FBXO36: variants seen among roughly 807,000 people sequenced by gnomAD.
FBXO36 encodes the protein F-box only protein 36.
A neutral mutation model predicts 17.0 loss-of-function variants in FBXO36; 18 were observed. The ratio of observed to expected loss-of-function variants is 1.06; its 90% CI spans 0.73 to 1.57. FBXO36 has a LOEUF of 1.57. Among genes scored for constraint, FBXO36 ranks in the 40% most tolerant of loss-of-function variants. FBXO36 has a pLI of 0.00. For synonymous variants in FBXO36, 83 were observed against 85.3 expected, an observed-to-expected ratio of 0.97 and a Z score of 0.15; for missense variants, 229 against 221.9, an observed-to-expected ratio of 1.03 and a Z score of -0.20.
At chr2:229,937,767 C>T (rs574139336) in intron 1 of FBXO36, 1 of 152,102 alleles carries the variant, frequency 6.6e-6, no homozygotes, top group Non-Finnish European at 1.5e-5. Flanking sequence ...ACATGGGTTT[C>T]TCTCTCTTTT....
In FBXO36 at chr2:230,012,645, C is replaced by A. The variant is rs1380196322; in HGVS notation, c.*1761C>A. The A allele has an allele frequency of 1.3e-5, 2 of 151,898 alleles. No homozygotes were observed. The highest frequency in any genetic ancestry group is 2.9e-5 in the Non-Finnish European group (2 of 67,926). 9.4% of individuals were successfully genotyped at this position (151,898 alleles called of 1,614,324 possible). A position where few individuals can be genotyped will look rare whatever the true frequency, so the allele number is the denominator to read the frequency against. ...CACGTGCTCTGCAGAGCTCTAGCTGCCTTGGCTCTCCCTGAGCTCCCAGAC... is the reference window on the plus strand; with the variant it reads ...CACGTGCTCTGCAGAGCTCTAGCTGACTTGGCTCTCCCTGAGCTCCCAGAC... On this transcript the variant is annotated 3_prime_UTR_variant, in exon 4 of 4. Coordinates refer to ENST00000283946, the MANE Select transcript of FBXO36 (RefSeq NM_174899.5).
At chr2:229,959,574 G>A (rs547746788) in intron 1 of FBXO36, among the ~76,000 whole-genome samples, 9 of 152,204 alleles carry the variant, frequency 5.9e-5, no homozygotes, top group South Asian at 4.1e-4. Flanking sequence ...GGCTGGGCGC[G>A]GTGGCTCATG....
intron 1 of FBXO36, among the ~76,000 whole-genome samples, chr2:229,951,530 C>G (rs1297585244): frequency 3.9e-5 from 6 of 152,232 alleles, no homozygotes; most frequent in African/African-American, 1.4e-4. Context: ...AGGCGTGAGC[C>G]GCCGCGCCCA....
intron 2 of FBXO36, among the ~76,000 whole-genome samples, chr2:229,995,588 C>CTTT (rs1560454291): frequency 1.6e-5 from 2 of 121,346 alleles, no homozygotes; most frequent in Non-Finnish European, 1.7e-5. Flanking sequence ...CTTTCTCTTT[C>CTTT]TTTCTTTCTT....
At chr2:229,989,016 A>G (rs2077284921) in intron 2 of FBXO36, among the ~76,000 whole-genome samples, 1 of 152,034 alleles carries the variant, frequency 6.6e-6, no homozygotes, top group African/African-American at 2.4e-5. Flanking sequence ...ATCTTTTCGT[A>G]TCACAGATAA....
chr2:229,932,783 TGCATA>T (rs1326841571), intron 1 of FBXO36: 2 of 163,690 alleles, frequency 1.2e-5, no homozygotes, highest in Admixed American at 6.4e-5. Context: ...AAATTGAGTT[TGCATA>T]GCCGGGCGCA....
chr2:229,972,408 T>G (rs2077185443), intron 1 of FBXO36, among the ~76,000 whole-genome samples: 2 of 152,124 alleles, frequency 1.3e-5, no homozygotes, highest in African/African-American at 2.4e-5. Context: ...AAAATAGATC[T>G]CGATGAAGTA....
rs539222630 is a variant in FBXO36 at position 229,961,121 on chromosome 2, T to A, written c.97-15120T>A. ...GAGACTCCATCTCAAAAAAAAAAAATAAATTTATTCCTTTTAGATGGATGG... is the reference window on the plus strand; with the variant it reads ...GAGACTCCATCTCAAAAAAAAAAAAAAAATTTATTCCTTTTAGATGGATGG... On this transcript the variant is annotated intron_variant, in intron 1 of 3. Coordinates refer to ENST00000283946, the MANE Select transcript of FBXO36 (RefSeq NM_174899.5). Among the ~76,000 whole-genome samples, 22 of 151,406 alleles carry A rather than the reference T, an allele frequency of 1.5e-4. 1 individual carries two copies. The South Asian group carries it at 4.0e-3, about 27-fold the overall frequency.
chr2:229,951,714 G>C (rs1382130660), intron 1 of FBXO36, among the ~76,000 whole-genome samples: 1 of 152,196 alleles, frequency 6.6e-6, no homozygotes, highest in Non-Finnish European at 1.5e-5. Flanking sequence ...TTCCATTTTA[G>C]TTGGTCTGCT....
intron 1 of FBXO36, among the ~76,000 whole-genome samples, chr2:229,967,582 C>T (rs2077159832): frequency 6.6e-6 from 1 of 152,148 alleles, no homozygotes; most frequent in African/African-American, 2.4e-5. Flanking sequence ...GAGTTTTTAG[C>T]ATGAAGGGCT....
intron 1 of FBXO36, among the ~76,000 whole-genome samples, chr2:229,951,612 A>T (rs2077058464): frequency 6.6e-6 from 1 of 152,246 alleles, no homozygotes; most frequent in African/African-American, 2.4e-5. Context: ...GGTAGACTGG[A>T]ATCTCCTGAT....
At chr2:229,988,596 G>A (rs770182492) in intron 2 of FBXO36, among the ~76,000 whole-genome samples, 24 of 152,090 alleles carry the variant, frequency 1.6e-4, no homozygotes, top group Non-Finnish European at 2.8e-4. Flanking sequence ...GTGCAGTGGC[G>A]CGATTTCAGC....
At chr2:229,954,918 C>T (rs1176088245) in intron 1 of FBXO36, among the ~76,000 whole-genome samples, 6 of 151,212 alleles carry the variant, frequency 4.0e-5, no homozygotes, top group Non-Finnish European at 7.4e-5. Context: ...GGCACCATCT[C>T]GGCTCACTGC....
At chr2:229,926,116 C>A (rs553219913) in intron 1 of FBXO36, among the ~76,000 whole-genome samples, 2 of 141,928 alleles carry the variant, frequency 1.4e-5, no homozygotes, top group East Asian at 2.1e-4. Flanking sequence ...ATAGCAAGAC[C>A]CCTTCTCTTA....
chr2:229,989,593 G>A (rs752735440), intron 2 of FBXO36, among the ~76,000 whole-genome samples: 2 of 149,192 alleles, frequency 1.3e-5, no homozygotes, highest in East Asian at 2.0e-4. Flanking sequence ...TCAGAGTCTC[G>A]CTTTCTAGCC....
chr2:229,936,596 C>T (rs945439847), intron 1 of FBXO36, among the ~76,000 whole-genome samples: 3 of 152,068 alleles, frequency 2.0e-5, no homozygotes, highest in Non-Finnish European at 4.4e-5. Flanking sequence ...AAGCTGGGCA[C>T]GGTGGCTCAC....
At chr2:230,008,504 A>T (rs1348841027) in intron 3 of FBXO36, among the ~76,000 whole-genome samples, 1 of 152,208 alleles carries the variant, frequency 6.6e-6, no homozygotes, top group Non-Finnish European at 1.5e-5. Context: ...ACACGAACTT[A>T]TAATATAAAA....
intron 1 of FBXO36, among the ~76,000 whole-genome samples, chr2:229,964,275 A>G (rs190820366): frequency 6.6e-6 from 1 of 152,338 alleles, no homozygotes; most frequent in Admixed American, 6.5e-5. Context: ...AAAAAAATGT[A>G]TAACCGCCAT....
intron 2 of FBXO36, among the ~76,000 whole-genome samples, chr2:229,980,936 G>A (rs1412268803): frequency 2.0e-5 from 3 of 152,236 alleles, no homozygotes; most frequent in Admixed American, 6.5e-5. Context: ...TCTCTAAGGG[G>A]AAAACTCCAA....
Sources: allele counts gnomAD v4.1 joint callset (sites outside exome capture counted in the v4.1 genomes callset), GRCh38; gene constraint gnomAD v4.1.1; transcripts MANE v1.5; gene names NCBI Gene and HGNC (gene_info 2026-07-23, HGNC 2026-07-21).